Variants in ATRN observed in about 807,000 individuals in gnomAD.
The protein encoded by ATRN is attractin.
Under a neutral mutation model 178.7 loss-of-function variants are expected in ATRN, and 54 were observed. The ratio of observed to expected loss-of-function variants is 0.30; its 90% confidence interval spans 0.24 to 0.38. The LOEUF is 0.38. Among genes scored for constraint, ATRN ranks in the 10% least tolerant of loss-of-function variants. The probability of loss-of-function intolerance (pLI) is 1.00; values close to 1 mark genes in which losing one functional copy is unlikely to be tolerated. For missense variants in ATRN, 1,443 were observed against 1,815.1 expected (o/e 0.79, Z 3.73); for synonymous variants, 636 against 663.0 (o/e 0.96, Z 0.63).
intron 24 of ATRN, among the ~76,000 whole-genome samples, chr20:3,611,017 C>T (rs1055421875): frequency 6.6e-6 from 1 of 152,110 alleles, no homozygotes; most frequent in African/African-American, 2.4e-5. Flanking sequence ...CTAAATCTCA[C>T]ATCTTATATA....
At chr20:3,631,891 GAGA>G (rs775608027) in intron 25 of ATRN, among the ~76,000 whole-genome samples, 6 of 152,158 alleles carry the variant, frequency 3.9e-5, no homozygotes, top group Non-Finnish European at 8.8e-5. Flanking sequence ...AAGAAAGACT[GAGA>G]AGGTTATTCT....
chr20:3,562,261 G>A lies in ATRN; in HGVS notation c.1448-15G>A, dbSNP rs1371317889. The A allele has an allele frequency of 1.9e-6, 3 of 1,604,560 alleles. No individual in the cohort carries two copies. In the African/African-American group the frequency reaches 4.0e-5, roughly 21 times the overall value. On this transcript the variant is annotated splice_polypyrimidine_tract_variant and intron_variant, in intron 8 of 28. Transcript: ENST00000262919. ...GAGCCTGCCATGCTTGCCTTTAACT[G>A]TCTTTCCTTTCCAGATAAGAACACA...
intron 24 of ATRN, among the ~76,000 whole-genome samples, chr20:3,618,090 G>C (rs1343151501): frequency 6.6e-6 from 1 of 152,206 alleles, no homozygotes; most frequent in African/African-American, 2.4e-5. Flanking sequence ...GTAGCTGTGT[G>C]TGGGTAACAG....
At chr20:3,595,321 A>G (rs1406595902) in intron 20 of ATRN, among the ~76,000 whole-genome samples, 1 of 152,242 alleles carries the variant, frequency 6.6e-6, no homozygotes, top group Admixed American at 6.5e-5. Context: ...CTCATTCTCA[A>G]GAAAAAACTT....
chr20:3,491,478 G>A (rs151141227), intron 1 of ATRN, among the ~76,000 whole-genome samples: 3 of 152,274 alleles, frequency 2.0e-5, no homozygotes, highest in African/African-American at 7.2e-5. Context: ...TTGACTGACT[G>A]CTCATTTGCA....
Position 3,638,807 on chromosome 20 carries a change from C to T in ATRN, c.3943-21C>T. ...CCTTCAGTACTCATTCCATTAATGG[C>T]TTTGCCATATTATTTATCAGCAACT... On this transcript the variant is annotated intron_variant, in intron 26 of 28. Coordinates refer to ENST00000262919, the MANE Select transcript of ATRN (RefSeq NM_139321.3). This position sits in a 1 kb window ranked among gnomAD's most constrained non-coding sequence, Gnocchi z 4.5. The T allele has an allele frequency of 6.2e-7, 1 of 1,609,358 alleles. No homozygotes were observed. Among genetic ancestry groups the T allele is most frequent in the Non-Finnish European group, 8.5e-7 (1 of 1,175,856 alleles).
At chr20:3,483,420 C>G (rs959118680) in intron 1 of ATRN, among the ~76,000 whole-genome samples, 1 of 152,154 alleles carries the variant, frequency 6.6e-6, no homozygotes, top group African/African-American at 2.4e-5. Context: ...AATCACCGCT[C>G]ACTGCAGCCC....
In ATRN at chr20:3,549,336, A is replaced by G. The variant is rs1332724708; in HGVS notation, c.1110A>G (p.Leu370=). Residue 370 remains leucine (L), a splice_region_variant and synonymous_variant, in exon 6 of 29, where the codon CTA becomes CTG. Coordinates refer to ENST00000262919, the MANE Select transcript of ATRN (RefSeq NM_139321.3). The part of the protein sequence containing the change: ...MFNHSDYNMV[L]AYDLASREWL... ...ACCACTCAGATTATAACATGGTTCT[A>G]GCGTAAGTCGTTTTAAACATTTTTG... 1 of 1,529,776 alleles carries G rather than the reference A, an allele frequency of 6.5e-7. No individual in the cohort carries two copies. Among genetic ancestry groups the G allele is most frequent in the South Asian group, 1.3e-5 (1 of 76,706 alleles). 94.8% of individuals were successfully genotyped at this position (1,529,776 alleles called of 1,614,324 possible).
At chr20:3,642,351 T>C (rs564213868) in intron 27 of ATRN, among the ~76,000 whole-genome samples, 1 of 152,360 alleles carries the variant, frequency 6.6e-6, no homozygotes, top group South Asian at 2.1e-4. Flanking sequence ...TTTGGATGTT[T>C]ATTTCTCAGA....
rs1185202473 is a variant in ATRN at position 3,647,171 on chromosome 20, T to C, written c.*324T>C. 5.0e-6 allele frequency: 1 copy of C among 199,784 alleles called. No homozygotes were observed. Among genetic ancestry groups the C allele is most frequent in the African/African-American group, 2.3e-5 (1 of 43,022 alleles). 12.4% of individuals were successfully genotyped at this position (199,784 alleles called of 1,614,324 possible). On this transcript the variant is annotated 3_prime_UTR_variant, in exon 29 of 29. Coordinates refer to ENST00000262919, the MANE Select transcript of ATRN (RefSeq NM_139321.3). ...ACTCAGGTTCACTGTGGAAAACTGT[T>C]CTTGGGACTGTCTCAACTGTGCAAA...
intron 26 of ATRN, among the ~76,000 whole-genome samples, chr20:3,635,585 C>T (rs114704328): frequency 2.7e-3 from 409 of 152,130 alleles, no homozygotes; most frequent in African/African-American, 9.4e-3. Flanking sequence ...TGGATCTACT[C>T]ATGCCTTTTT....
At chr20:3,502,871 G>A (rs887371717) in intron 1 of ATRN, among the ~76,000 whole-genome samples, 7 of 152,194 alleles carry the variant, frequency 4.6e-5, no homozygotes, top group African/African-American at 1.4e-4. Flanking sequence ...GGCCATGTGG[G>A]CCTGAGCCTT....
intron 1 of ATRN, among the ~76,000 whole-genome samples, chr20:3,514,555 A>G (rs2085180686): frequency 6.6e-6 from 1 of 152,242 alleles, no homozygotes. Context: ...TTTGAAAATC[A>G]GTATCATTCG....
chr20:3,479,391 A>G (rs770747192), intron 1 of ATRN, among the ~76,000 whole-genome samples: 2 of 152,190 alleles, frequency 1.3e-5, no homozygotes, highest in South Asian at 4.1e-4. Flanking sequence ...ATAAAAATAC[A>G]GGCAATATGT....
intron 3 of ATRN, among the ~76,000 whole-genome samples, chr20:3,544,242 T>G (rs541261157): frequency 6.6e-6 from 1 of 152,148 alleles, no homozygotes; most frequent in Non-Finnish European, 1.5e-5. Flanking sequence ...GAGCTTCTTG[T>G]TAGTCCCGCA....
chr20:3,564,854 A>G (rs545546445), intron 10 of ATRN, among the ~76,000 whole-genome samples: 2 of 152,306 alleles, frequency 1.3e-5, no homozygotes, highest in Admixed American at 1.3e-4. Flanking sequence ...TCACGAGGTC[A>G]GGAGATTGAG....
chr20:3,481,212 CT>C (rs1245741680), intron 1 of ATRN, among the ~76,000 whole-genome samples: 8 of 152,088 alleles, frequency 5.3e-5, no homozygotes, highest in Non-Finnish European at 1.2e-4. Flanking sequence ...ATTTGTCTTG[CT>C]TTTTTCCCAC....
chr20:3,532,202 C>T (rs895676223), intron 1 of ATRN, among the ~76,000 whole-genome samples: 5 of 152,144 alleles, frequency 3.3e-5, no homozygotes, highest in Admixed American at 6.5e-5. Flanking sequence ...TAAGTGTTCA[C>T]GTGAAGTCCA....
At chr20:3,575,770 C>T in intron 12 of ATRN, 57 bp from the exon 13 acceptor site, 1 of 1,523,134 alleles carries the variant, frequency 6.6e-7, no homozygotes, top group Non-Finnish European at 8.8e-7. Context: ...TAACTTCGGT[C>T]TCAGATTTTG....
Sources: allele counts gnomAD v4.1 joint callset (sites outside exome capture counted in the v4.1 genomes callset), GRCh38; gene constraint gnomAD v4.1.1; non-coding constraint Gnocchi (gnomAD v3.1); transcripts MANE v1.5; gene names NCBI Gene and HGNC (gene_info 2026-07-23, HGNC 2026-07-21).